The following RGS7 variants were observed in gnomAD, a reference collection of about 807,000 sequenced individuals.
The protein encoded by RGS7 is regulator of G-protein signaling 7.
A neutral mutation model predicts 81.1 loss-of-function variants in RGS7; 27 were observed. That is an observed-to-expected ratio of 0.33 (90% confidence interval 0.25 to 0.46). The LOEUF (loss-of-function observed/expected upper bound fraction) is 0.46. Among genes scored for constraint, RGS7 ranks in the 20% least tolerant of loss-of-function variants. RGS7 has a pLI of 1.00. For missense variants in RGS7, 396 were observed against 607.4 expected (o/e 0.65, Z 3.66); for synonymous variants, 208 against 207.7 (o/e 1.00, Z -0.01).
intron 3 of RGS7, among the ~76,000 whole-genome samples, chr1:241,016,159 A>G (rs1356744769): frequency 1.3e-5 from 2 of 152,208 alleles, no homozygotes. Context: ...ATGGATGTGA[A>G]AAATTATGAA....
chr1:240,903,206 G>A (rs913665295), intron 6 of RGS7, among the ~76,000 whole-genome samples: 10 of 152,186 alleles, frequency 6.6e-5, no homozygotes, highest in African/African-American at 2.4e-4. Context: ...AAGTAGGCCA[G>A]AAAATTTGCT....
At chr1:241,339,069 G>A (rs770879206) in intron 2 of RGS7, among the ~76,000 whole-genome samples, 8 of 152,068 alleles carry the variant, frequency 5.3e-5, no homozygotes, top group Non-Finnish European at 8.8e-5. Flanking sequence ...GCCCCAGTGC[G>A]TGTCGTTCCC....
intron 18 of RGS7, 65 bp downstream of exon 18, chr1:240,800,576 G>C (rs1687865638): frequency 2.1e-6 from 2 of 971,898 alleles, no homozygotes; most frequent in Non-Finnish European, 3.1e-6. Flanking sequence ...CAGCAGCATG[G>C]AGCTAAACCA....
chr1:240,783,676 TAACAG>T lies in RGS7; in HGVS notation c.*7-7468_*7-7464del, dbSNP rs1271596667. ...AAAATCGTTCTTGGTCTTAAAGTAATAACAGAAAGTTGATGGTAAGGAGCCCTGAG... is the reference window on the plus strand; with the variant it reads ...AAAATCGTTCTTGGTCTTAAAGTAATAAAGTTGATGGTAAGGAGCCCTGAG... On this transcript the variant is annotated intron_variant, in intron 18 of 18. Transcript: ENST00000440928. Among the ~76,000 whole-genome samples, 4 of 151,704 alleles carry T rather than the reference TAACAG, an allele frequency of 2.6e-5. No homozygotes were observed. The East Asian group carries it at 7.7e-4, about 29-fold the overall frequency.
chr1:241,223,200 A>G (rs1280957757), intron 2 of RGS7, among the ~76,000 whole-genome samples: 5 of 152,210 alleles, frequency 3.3e-5, no homozygotes, highest in African/African-American at 9.6e-5. Context: ...CATCTCATTC[A>G]ACGTCTGCTA....
intron 2 of RGS7, among the ~76,000 whole-genome samples, chr1:241,227,791 G>A (rs1421904971): frequency 6.6e-6 from 1 of 151,698 alleles, no homozygotes; most frequent in African/African-American, 2.4e-5. Flanking sequence ...AGAAGTGAAG[G>A]TACCCTGAGG....
At position 240,842,199 on chromosome 1, in the gene RGS7, A is replaced by ATTTTTTTTTTTTTTTTTTTTTTTTTT. The variant is rs568381066; in HGVS notation, c.610-15028_610-15027insAAAAAAAAAAAAAAAAAAAAAAAAAA. Among the ~76,000 whole-genome samples the ATTTTTTTTTTTTTTTTTTTTTTTTTT allele has an allele frequency of 1.4e-3, 113 of 78,692 alleles. 40 individuals are homozygous for ATTTTTTTTTTTTTTTTTTTTTTTTTT. Among genetic ancestry groups the ATTTTTTTTTTTTTTTTTTTTTTTTTT allele is most frequent in the Non-Finnish European group, 2.3e-3 (90 of 39,730 alleles). 51.6% of individuals were successfully genotyped at this position (78,692 alleles called of 152,430 possible). The stretch of plus-strand genomic sequence containing the variant: ...TGATTTCAGATTATGTTTGTCAGGA[A>ATTTTTTTTTTTTTTTTTTTTTTTTTT]TTTTTTTTTTTTTTTTTGAGACAGA... On this transcript the variant is annotated intron_variant, in intron 9 of 18. Coordinates refer to ENST00000440928, the MANE Select transcript of RGS7 (RefSeq NM_001364886.1).
intron 2 of RGS7, among the ~76,000 whole-genome samples, chr1:241,337,436 A>C (rs1304898287): frequency 6.6e-6 from 1 of 152,156 alleles, no homozygotes; most frequent in Non-Finnish European, 1.5e-5. Flanking sequence ...CTGCAGTCTA[A>C]CATGGAAGCC....
chr1:241,093,937 C>A (rs972374096), intron 3 of RGS7, among the ~76,000 whole-genome samples: 1 of 151,866 alleles, frequency 6.6e-6, no homozygotes, highest in African/African-American at 2.4e-5. Flanking sequence ...AAAGTTTAAG[C>A]TAGAAAAGGG....
chr1:241,063,408 G>A (rs1299972947), intron 3 of RGS7, among the ~76,000 whole-genome samples: 1 of 152,158 alleles, frequency 6.6e-6, no homozygotes, highest in African/African-American at 2.4e-5. Flanking sequence ...TTTTGGCTCA[G>A]ATGAAGGCCT....
At chr1:241,258,692 T>C (rs1487389446) in intron 2 of RGS7, among the ~76,000 whole-genome samples, 1 of 152,204 alleles carries the variant, frequency 6.6e-6, no homozygotes, top group Non-Finnish European at 1.5e-5. Flanking sequence ...TTGCAGGTTC[T>C]AATTGAACTG....
At chr1:240,932,584 C>A (rs997332836) in intron 5 of RGS7, among the ~76,000 whole-genome samples, 1 of 145,188 alleles carries the variant, frequency 6.9e-6, no homozygotes, top group African/African-American at 2.6e-5. Context: ...TCTCAGCTCG[C>A]TGCAAGCTCC....
At chr1:241,002,258 C>T (rs983979848) in intron 3 of RGS7, among the ~76,000 whole-genome samples, 2 of 151,702 alleles carry the variant, frequency 1.3e-5, no homozygotes, top group African/African-American at 4.8e-5. Context: ...ACCAGCCTGA[C>T]CAAGATGGTG....
At chr1:240,911,530 T>A (rs965152813) in intron 6 of RGS7, among the ~76,000 whole-genome samples, 3 of 152,214 alleles carry the variant, frequency 2.0e-5, no homozygotes, top group Admixed American at 6.5e-5. Flanking sequence ...ACTCTAGTGA[T>A]TCAAAAATCT....
At chr1:241,012,245 A>T (rs1000286479) in intron 3 of RGS7, among the ~76,000 whole-genome samples, 1 of 152,166 alleles carries the variant, frequency 6.6e-6, no homozygotes, top group African/African-American at 2.4e-5. Flanking sequence ...ACACAATAGG[A>T]CATGACATCT....
intron 2 of RGS7, among the ~76,000 whole-genome samples, chr1:241,224,856 C>T (rs367566422): frequency 2.0e-5 from 3 of 152,142 alleles, no homozygotes; most frequent in African/African-American, 4.8e-5. Context: ...CACAGTATAG[C>T]TCAGTGATTG....
At chr1:241,241,295 A>G (rs1429157942) in intron 2 of RGS7, among the ~76,000 whole-genome samples, 1 of 151,866 alleles carries the variant, frequency 6.6e-6, no homozygotes, top group Admixed American at 6.6e-5. Flanking sequence ...TTTTTCTATG[A>G]CTACTATTAG....
intron 2 of RGS7, among the ~76,000 whole-genome samples, chr1:241,194,300 C>T (rs2072905530): frequency 6.6e-6 from 1 of 152,148 alleles, no homozygotes; most frequent in Non-Finnish European, 1.5e-5. Context: ...TATTCTACAG[C>T]TTGCTACCTC....
At chr1:241,332,312 T>C (rs979787579) in intron 2 of RGS7, among the ~76,000 whole-genome samples, 1 of 152,180 alleles carries the variant, frequency 6.6e-6, no homozygotes, top group South Asian at 2.1e-4. Context: ...AGGGAGGCCA[T>C]GATTGATGTT....
Sources: gnomAD v4.1 joint callset for allele counts (sites outside exome capture counted in the v4.1 genomes callset) on GRCh38, gnomAD v4.1.1 for gene constraint, MANE v1.5 for transcripts, NCBI Gene and HGNC (gene_info 2026-07-23, HGNC 2026-07-21) for gene names.